LIPN: variants seen among roughly 807,000 people sequenced by gnomAD.
LIPN encodes the protein lipase member N.
Under a neutral mutation model 43.7 loss-of-function variants are expected in LIPN, and 32 were observed. The observed-to-expected ratio is 0.73, with a 90% CI of 0.55 to 0.98. LIPN has a LOEUF of 0.98. Ranked by LOEUF, LIPN falls within the 50% of genes least tolerant of loss-of-function variation. The pLI, the probability that LIPN is intolerant of heterozygous loss-of-function variation, is 0.00. For synonymous variants in LIPN, 156 were observed against 157.6 expected (o/e 0.99, Z 0.08); for missense variants, 505 against 483.8 (o/e 1.04, Z -0.41).
chr10:88,772,523 A>G (rs926248120), intron 7 of LIPN, among the ~76,000 whole-genome samples: 4 of 151,854 alleles, frequency 2.6e-5, no homozygotes, highest in Non-Finnish European at 2.9e-5. Flanking sequence ...CCTTTGCCCA[A>G]TGTATGTTCT....
At chr10:88,761,763 GTATCTATCTATCTATTTATCTATC>G (rs1843003895) in intron 2 of LIPN, among the ~76,000 whole-genome samples, 1 of 51,256 alleles carries the variant, frequency 2.0e-5, no homozygotes, top group Admixed American at 2.2e-4. Flanking sequence ...ATCTATCTAT[GTATCTATCTATCTATTTATCTATC>G]TATCTATCTA....
chr10:88,763,688 T>G (rs1173238623), intron 3 of LIPN, among the ~76,000 whole-genome samples: 1 of 152,074 alleles, frequency 6.6e-6, no homozygotes, highest in East Asian at 1.9e-4. Flanking sequence ...GTGCCTTACT[T>G]GACCTTCCAC....
chr10:88,773,355 T>G (rs751327359), intron 7 of LIPN, among the ~76,000 whole-genome samples: 13 of 151,898 alleles, frequency 8.6e-5, no homozygotes, highest in Non-Finnish European at 1.5e-4. Context: ...CTACAGTCAA[T>G]TTGAATTTAT....
chr10:88,774,752 C>T (rs1413738345), intron 8 of LIPN, among the ~76,000 whole-genome samples: 2 of 150,640 alleles, frequency 1.3e-5, no homozygotes, highest in Non-Finnish European at 2.9e-5. Context: ...AAATGAACAC[C>T]ACCTTAAATC....
In LIPN at chr10:88,778,163, A is replaced by G; in HGVS notation, c.1118A>G (p.His373Arg). 2.5e-6 allele frequency: 4 copies of G among 1,613,458 alleles called. No individual in the cohort carries two copies. Among genetic ancestry groups the G allele is most frequent in the Non-Finnish European group, 3.4e-6 (4 of 1,179,686 alleles). Residue 373 changes from histidine (H) to arginine (R), a missense_variant, in exon 10 of 10, where the codon CAC becomes CGC. Physicochemically the swap from His to Arg is conservative, Grantham distance 29. Transcript: ENST00000404459. Reference sequence around the variant, plus strand: ...TTTAAGCTATTGCCAGATTGGAACCACTTTGATTTTGTCTGGGGCCTCGAT... The same window carrying G: ...TTTAAGCTATTGCCAGATTGGAACCGCTTTGATTTTGTCTGGGGCCTCGAT... ...HYFKLLPDWN[H>R]FDFVWGLDAP...
intron 7 of LIPN, among the ~76,000 whole-genome samples, chr10:88,772,937 C>T (rs542522593): frequency 6.7e-6 from 1 of 149,958 alleles, no homozygotes; most frequent in South Asian, 2.1e-4. Context: ...AGGAATAAAC[C>T]ATACCAAAGA....
intron 5 of LIPN, 30 bp downstream of exon 5, chr10:88,766,408 GT>G: frequency 7.8e-7 from 1 of 1,287,700 alleles, no homozygotes; most frequent in Non-Finnish European, 1.1e-6. Flanking sequence ...TGTTAGGTGT[GT>G]TTTTGAGGGT....
chr10:88,776,642 T>C (rs1843300627), intron 9 of LIPN, among the ~76,000 whole-genome samples: 1 of 152,118 alleles, frequency 6.6e-6, no homozygotes, highest in African/African-American at 2.4e-5. Context: ...TTTTATTGAG[T>C]ATAAGAGAAT....
intron 9 of LIPN, among the ~76,000 whole-genome samples, chr10:88,776,420 C>G (rs1369654893): frequency 6.6e-6 from 1 of 152,042 alleles, no homozygotes; most frequent in East Asian, 1.9e-4. Context: ...CACGCACATT[C>G]AAGATCATTA....
At chr10:88,774,934 G>C (rs141319966) in intron 8 of LIPN, among the ~76,000 whole-genome samples, 158 bp from the exon 9 acceptor site, 5 of 151,646 alleles carry the variant, frequency 3.3e-5, no homozygotes, top group African/African-American at 1.2e-4. Flanking sequence ...TCTTTCTGTT[G>C]AGCCCCGTTT....
chr10:88,775,099 A>T lies in LIPN; in HGVS notation c.899A>T (p.His300Leu). The T allele has an allele frequency of 3.9e-6, 6 of 1,535,664 alleles. No individual in the cohort carries two copies. Among genetic ancestry groups the T allele is most frequent in the Non-Finnish European group, 5.3e-6 (6 of 1,135,906 alleles). ...HNILHIKQLY[H>L]SDEFRAYDWG... ...AAAAAACATTTGTTTCAGCTTTACC[A>T]CTCTGATGAATTCAGAGCTTATGAC... The change falls in exon 9 of 10, where the codon CAC becomes CTC. Residue 300 changes from histidine (H) to leucine (L), a missense_variant. Transcript: ENST00000404459.
chr10:88,765,375 G>A (rs549098447), intron 4 of LIPN, among the ~76,000 whole-genome samples: 2 of 152,036 alleles, frequency 1.3e-5, no homozygotes, highest in East Asian at 3.9e-4. Context: ...AGTACCCACT[G>A]AAAGTTTGAG....
intron 7 of LIPN, among the ~76,000 whole-genome samples, chr10:88,773,586 T>G (rs550136845): frequency 6.6e-6 from 1 of 151,878 alleles, no homozygotes; most frequent in South Asian, 2.1e-4. Flanking sequence ...TATTGAGAAT[T>G]CAAGAAGAAG....
intron 1 of LIPN, among the ~76,000 whole-genome samples, chr10:88,760,924 T>C (rs1203100403): frequency 6.6e-6 from 1 of 152,136 alleles, no homozygotes; most frequent in Non-Finnish European, 1.5e-5. Context: ...ACGTGAGAAA[T>C]AATCACATCA....
intron 6 of LIPN, among the ~76,000 whole-genome samples, chr10:88,770,024 A>G (rs1397117237): frequency 6.6e-6 from 1 of 151,866 alleles, no homozygotes; most frequent in Non-Finnish European, 1.5e-5. Flanking sequence ...TGCTCTTCCT[A>G]CATAGGTCAG....
rs571575649 is a variant in LIPN, at chr10:88,778,815, T to C, written c.*573T>C. On this transcript the variant is annotated 3_prime_UTR_variant, in exon 10 of 10. Transcript: ENST00000404459. ...TCTTACAATCTTATCCCTGGCTATCTGCGTAAACGGAATCTTGAACCCATA... is the reference window on the plus strand; with the variant it reads ...TCTTACAATCTTATCCCTGGCTATCCGCGTAAACGGAATCTTGAACCCATA... 1.6e-4 allele frequency among the ~76,000 whole-genome samples: 25 copies of C among 152,330 alleles called. No individual in the cohort carries two copies. Among genetic ancestry groups the C allele is most frequent in the Non-Finnish European group, 3.4e-4 (23 of 68,034 alleles).
At position 88,762,181 on chromosome 10, in the gene LIPN, T is replaced by A. The variant is rs368990506; in HGVS notation, c.109-7T>A. On this transcript the variant is annotated splice_region_variant and splice_polypyrimidine_tract_variant and intron_variant, in intron 2 of 9. Coordinates refer to ENST00000404459, the MANE Select transcript of LIPN (RefSeq NM_001102469.2). ...GTTCCACTAACGACTGTATTTTTAC[T>A]GGGCAGAGTGAAATCATCATCTACA... The A allele has an allele frequency of 9.4e-6, 14 of 1,488,604 alleles. No individual in the cohort carries two copies. In the East Asian group the frequency reaches 3.2e-4, roughly 34 times the overall value. 92.2% of individuals were successfully genotyped at this position (1,488,604 alleles called of 1,614,324 possible). A position where few individuals can be genotyped will look rare whatever the true frequency, so the allele number is the denominator to read the frequency against.
chr10:88,771,349 A>G (rs1235073473), intron 7 of LIPN, among the ~76,000 whole-genome samples: 1 of 151,762 alleles, frequency 6.6e-6, no homozygotes, highest in African/African-American at 2.4e-5. Context: ...TGTGCATGCC[A>G]GACTTTAGTC....
chr10:88,769,561 C>A, intron 6 of LIPN: 1 of 980,424 alleles, frequency 1.0e-6, no homozygotes, highest in Non-Finnish European at 1.2e-6. Context: ...AAGGTCATTG[C>A]CACAATGAAC....
Sources: gnomAD v4.1 joint callset for allele counts (sites outside exome capture counted in the v4.1 genomes callset) on GRCh38, gnomAD v4.1.1 for gene constraint, MANE v1.5 for transcripts, NCBI Gene and HGNC (gene_info 2026-07-23, HGNC 2026-07-21) for gene names.